Variants in SMTNL2 observed in about 807,000 individuals in gnomAD.
The protein encoded by SMTNL2 is smoothelin-like protein 2.
SMTNL2 carries 43 observed loss-of-function variants against 44.1 expected under a neutral mutation model. The observed-to-expected ratio is 0.98, with a 90% CI of 0.76 to 1.26. SMTNL2 has a LOEUF of 1.26. Ranked by LOEUF, SMTNL2 falls within the 50% of genes most tolerant of loss-of-function variation. SMTNL2 has a pLI of 0.00. For missense variants in SMTNL2, 646 were observed against 670.2 expected (o/e 0.96, Z 0.40); for synonymous variants, 317 against 287.6 (o/e 1.10, Z -1.03).
intron 1 of SMTNL2, among the ~76,000 whole-genome samples, chr17:4,589,752 G>A (rs1288108307): frequency 6.6e-6 from 1 of 152,026 alleles, no homozygotes; most frequent in Non-Finnish European, 1.5e-5. Context: ...CAGGGCTAAA[G>A]TTACTGCGCT....
At position 4,595,289 on chromosome 17, in the gene SMTNL2, A is replaced by AT. The variant is rs762867361; in HGVS notation, c.953dup (p.Leu318PhefsTer3). The AT allele has an allele frequency of 3.7e-5, 60 of 1,613,006 alleles. No homozygotes were observed. The highest frequency in any genetic ancestry group is 4.8e-5 in the Non-Finnish European group (57 of 1,179,830). ...CCTCGGAGGCGCAGGCCCGGAAAGC[A>AT]TTGTTTGAGAAGTGGGAGCAGGAAA... On this transcript the variant is annotated frameshift_variant, in exon 5 of 8. Coordinates refer to ENST00000389313, the MANE Select transcript of SMTNL2 (RefSeq NM_001114974.2). LOFTEE classifies it high-confidence loss of function. The surrounding 1 kb of genome is among the most constrained non-coding windows in gnomAD (Gnocchi z 5.1).
chr17:4,597,410 G>C, intron 7 of SMTNL2, 87 bp downstream of exon 7: 3 of 1,552,928 alleles, frequency 1.9e-6, no homozygotes, highest in Non-Finnish European at 2.6e-6. Flanking sequence ...GGGGCGAGTG[G>C]GATGTCGGGC....
intron 5 of SMTNL2, among the ~76,000 whole-genome samples, chr17:4,596,328 C>T (rs1277996417): frequency 1.3e-5 from 2 of 152,202 alleles, no homozygotes; most frequent in Non-Finnish European, 2.9e-5. Flanking sequence ...TGAGGGGGAC[C>T]GACCCCGGAC....
At position 4,584,686 on chromosome 17, in the gene SMTNL2, G is replaced by C. The variant is rs530992227; in HGVS notation, c.81G>C (p.Ala27=). ...LGRYEAALEG[A]VRALHEDMRG... is the part of the protein sequence containing the mutation. ...GCTACGAGGCGGCGCTGGAGGGTGC[G>C]GTGCGCGCGCTGCACGAGGACATGC... Residue 27 remains alanine (A), a synonymous_variant, in exon 1 of 8, where the codon GCG becomes GCC. Coordinates refer to ENST00000389313, the MANE Select transcript of SMTNL2 (RefSeq NM_001114974.2). 7.8e-7 allele frequency: 1 copy of C among 1,286,188 alleles called. No individual in the cohort carries two copies. Among genetic ancestry groups the C allele is most frequent in the African/African-American group, 1.6e-5 (1 of 64,240 alleles). The allele number at this position is 1,286,188 out of a possible 1,614,324, so 79.7% of individuals were successfully genotyped here. A position where few individuals can be genotyped will look rare whatever the true frequency, so the allele number is the denominator to read the frequency against.
At position 4,596,862 on chromosome 17, in the gene SMTNL2, G is replaced by A; in HGVS notation, c.992G>A (p.Gly331Glu). ...GCAGGCCTGCCGTCTCTCCGCAGGG[G>A]GAAAGGCGAGGCCCGGGCCAGGCTG... ...KWEQETAAGK[G>E]KGEARARLKR... The change falls in exon 6 of 8, where the codon GGG becomes GAG. Residue 331 changes from glycine to glutamate, a missense_variant and splice_region_variant. Coordinates refer to ENST00000389313, the MANE Select transcript of SMTNL2 (RefSeq NM_001114974.2). 1.4e-6 allele frequency: 2 copies of A among 1,467,746 alleles called. No homozygotes were observed. The highest frequency in any genetic ancestry group is 1.3e-5 in the South Asian group (1 of 74,976). The allele number at this position is 1,467,746 out of a possible 1,614,324, so 90.9% of individuals were successfully genotyped here.
rs1909844418 is a variant in SMTNL2, at chr17:4,596,977, G to A, written c.1107G>A (p.Gln369=). ...EWCRSKTLGY[Q]HVDLQNFSSS... ...GCCGCAGCAAGACGCTGGGCTACCA[G>A]GTGAGCCCCGGCTCCCCTCCGGCTG... Residue 369 remains glutamine (Q), a splice_region_variant and synonymous_variant, in exon 6 of 8, where the codon CAG becomes CAA. Transcript: ENST00000389313. 1.3e-6 allele frequency: 2 copies of A among 1,501,372 alleles called. No homozygotes were observed. The highest frequency in any genetic ancestry group is 2.5e-5 in the South Asian group (2 of 79,040). 93.0% of individuals were successfully genotyped at this position (1,501,372 alleles called of 1,614,324 possible). A position where few individuals can be genotyped will look rare whatever the true frequency, so the allele number is the denominator to read the frequency against.
At chr17:4,593,923 G>A in intron 4 of SMTNL2, 26 bp downstream of exon 4, 3 of 1,612,878 alleles carry the variant, frequency 1.9e-6, no homozygotes, top group Non-Finnish European at 2.5e-6. Flanking sequence ...TGTTCCTGTG[G>A]GGTCGCTGCG....
At position 4,585,105 on chromosome 17, in the gene SMTNL2, G is replaced by T. The variant is rs1167310829; in HGVS notation, c.399+101G>T. On this transcript the variant is annotated intron_variant, in intron 1 of 7. Transcript: ENST00000389313. ...GCCTGCCTCTGCTCGCGTCTGCGGGGTTGGGGCCTTCACCGGCCGCTCGGA... is the reference window on the plus strand; with the variant it reads ...GCCTGCCTCTGCTCGCGTCTGCGGGTTTGGGGCCTTCACCGGCCGCTCGGA... 4 of 1,217,678 alleles carry T rather than the reference G, an allele frequency of 3.3e-6. No homozygotes were observed. In the African/African-American group the frequency reaches 4.8e-5, roughly 14 times the overall value. 75.4% of individuals were successfully genotyped at this position (1,217,678 alleles called of 1,614,324 possible).
chr17:4,595,311 G>A lies in SMTNL2; in HGVS notation c.973G>A (p.Glu325Lys), dbSNP rs145803232. ...RKALFEKWEQ[E>K]TAAGKGKGEA... ...AGCATTGTTTGAGAAGTGGGAGCAG[G>A]AAACGGCGGCCGGCAAGTACGGATG... The change falls in exon 5 of 8, where the codon GAA (glutamate) becomes AAA (lysine). Residue 325 changes from glutamate (E) to lysine (K), a missense_variant. By Grantham distance (56) the Glu-to-Lys change is moderately conservative (BLOSUM62 1). Coordinates refer to ENST00000389313, the MANE Select transcript of SMTNL2 (RefSeq NM_001114974.2). This position sits in a 1 kb window ranked among gnomAD's most constrained non-coding sequence, Gnocchi z 5.1. 23 of 1,612,494 alleles carry A rather than the reference G, an allele frequency of 1.4e-5. No homozygotes were observed. Among genetic ancestry groups the A allele is most frequent in the Non-Finnish European group, 1.7e-5 (20 of 1,179,446 alleles).
Position 4,595,252 on chromosome 17 carries a change from C to G in SMTNL2, c.914C>G (p.Thr305Arg). The stretch of plus-strand genomic sequence containing the variant: ...CGCAGGGAGCTGGTGAGGTCGCAGA[C>G]GCTGCCCCGCACCTCGGAGGCGCAG... ...ERRRELVRSQ[T>R]LPRTSEAQAR... is the part of the protein sequence containing the mutation. Residue 305 changes from threonine (T) to arginine (R), a missense_variant, in exon 5 of 8, where the codon ACG becomes AGG. Coordinates refer to ENST00000389313, the MANE Select transcript of SMTNL2 (RefSeq NM_001114974.2). The surrounding 1 kb of genome is among the most constrained non-coding windows in gnomAD (Gnocchi z 5.1). The G allele has an allele frequency of 1.2e-6, 2 of 1,613,250 alleles. No homozygotes were observed. Among genetic ancestry groups the G allele is most frequent in the Non-Finnish European group, 1.7e-6 (2 of 1,179,966 alleles).
rs1405137256 is a variant in SMTNL2, at chr17:4,596,878, G to A, written c.1008G>A (p.Arg336=). The part of the protein sequence containing the change: ...TAAGKGKGEA[R]ARLKRSQSFG... Reference sequence around the variant, plus strand: ...TCCGCAGGGGGAAAGGCGAGGCCCGGGCCAGGCTGAAGCGGTCGCAGAGCT... The same window carrying A: ...TCCGCAGGGGGAAAGGCGAGGCCCGAGCCAGGCTGAAGCGGTCGCAGAGCT... Residue 336 remains arginine, a synonymous_variant, in exon 6 of 8, where the codon CGG becomes CGA. Transcript: ENST00000389313. 1.3e-6 allele frequency: 2 copies of A among 1,497,366 alleles called. No homozygotes were observed. The highest frequency in any genetic ancestry group is 1.3e-5 in the South Asian group (1 of 79,832). The allele number at this position is 1,497,366 out of a possible 1,614,324, so 92.8% of individuals were successfully genotyped here. A position where few individuals can be genotyped will look rare whatever the true frequency, so the allele number is the denominator to read the frequency against.
chr17:4,586,477 G>T (rs1909349607), intron 1 of SMTNL2, among the ~76,000 whole-genome samples: 1 of 149,940 alleles, frequency 6.7e-6, no homozygotes, highest in South Asian at 2.1e-4. Flanking sequence ...AAAATGTCAG[G>T]TTCACATATA....
rs1909547832 is a variant in SMTNL2, at chr17:4,590,956, GC to G, written c.400-1404del. On this transcript the variant is annotated intron_variant, in intron 1 of 7. Coordinates refer to ENST00000389313, the MANE Select transcript of SMTNL2 (RefSeq NM_001114974.2). ...CTCCATCTGCCTGCGTCCTGGACGG[GC>G]ATGATCAGGATACCTGTGCCTTGAT... Among the ~76,000 whole-genome samples the G allele has an allele frequency of 2.6e-5, 4 of 152,304 alleles. No individual in the cohort carries two copies. The South Asian group carries it at 8.3e-4, about 32-fold the overall frequency.
In SMTNL2 at chr17:4,597,204, G is replaced by A. The variant is rs777731870; in HGVS notation, c.1140G>A (p.Trp380Ter). 2 of 1,614,002 alleles carry A rather than the reference G, an allele frequency of 1.2e-6. No individual in the cohort carries two copies. The highest frequency in any genetic ancestry group is 1.7e-6 in the Non-Finnish European group (2 of 1,179,984). The change falls in exon 7 of 8, where the codon TGG becomes TGA. Residue 380 changes from tryptophan (W) to a stop codon, truncating the protein, a stop_gained. Transcript: ENST00000389313. LOFTEE classifies it high-confidence loss of function. ...ACCTGCAGAACTTCTCCTCCAGCTG[G>A]AGCGACGGCATGGCCTTCTGCGCCC... ...HVDLQNFSSS[W>*]SDGMAFCALV...
In SMTNL2 at chr17:4,584,992, C is replaced by T. The variant is rs1909286824; in HGVS notation, c.387C>T (p.Ser129=). 6 of 1,363,928 alleles carry T rather than the reference C, an allele frequency of 4.4e-6. No homozygotes were observed. The highest frequency in any genetic ancestry group is 3.4e-5 in the Admixed American group (1 of 29,546). The allele number at this position is 1,363,928 out of a possible 1,614,324, so 84.5% of individuals were successfully genotyped here. A position where few individuals can be genotyped will look rare whatever the true frequency, so the allele number is the denominator to read the frequency against. Residue 129 remains serine, a synonymous_variant, in exon 1 of 8, where the codon TCC becomes TCT. Coordinates refer to ENST00000389313, the MANE Select transcript of SMTNL2 (RefSeq NM_001114974.2). ...CCAGCCACGCCACCTTCTCGCTGTCCGGCCGCGGCCAGGTGAGCCCGGGGG... is the reference window on the plus strand; with the variant it reads ...CCAGCCACGCCACCTTCTCGCTGTCTGGCCGCGGCCAGGTGAGCCCGGGGG... ...RFASHATFSL[S]GRGQSLDHDE... is the part of the protein sequence containing the mutation.
intron 7 of SMTNL2, among the ~76,000 whole-genome samples, chr17:4,606,691 G>A (rs766156102): frequency 1.4e-4 from 21 of 151,868 alleles, no homozygotes; most frequent in Non-Finnish European, 2.6e-4. Flanking sequence ...GATCACCTGA[G>A]GTCAGGAGAT....
chr17:4,603,688 CCTGTTT>C (rs1910135944), intron 7 of SMTNL2, among the ~76,000 whole-genome samples: 1 of 152,046 alleles, frequency 6.6e-6, no homozygotes, highest in Non-Finnish European at 1.5e-5. Context: ...ATGTGTGGAG[CCTGTTT>C]CTACACACCT....
At chr17:4,597,034 C>A in intron 6 of SMTNL2, 57 bp downstream of exon 6, 1 of 1,479,278 alleles carries the variant, frequency 6.8e-7, no homozygotes, top group Non-Finnish European at 9.0e-7. Flanking sequence ...CTTGACCAAG[C>A]GTCGCCCCTG....
At chr17:4,586,210 G>A (rs1909340976) in intron 1 of SMTNL2, among the ~76,000 whole-genome samples, 1 of 152,180 alleles carries the variant, frequency 6.6e-6, no homozygotes, top group Non-Finnish European at 1.5e-5. Context: ...GGCTTTGCCC[G>A]GCCTGTAAGA....
Sources: gnomAD v4.1 joint callset for allele counts (sites outside exome capture counted in the v4.1 genomes callset) on GRCh38, gnomAD v4.1.1 for gene constraint, Gnocchi (gnomAD v3.1) non-coding constraint, MANE v1.5 for transcripts, NCBI Gene and HGNC (gene_info 2026-07-23, HGNC 2026-07-21) for gene names.